Variants in MTR observed in about 807,000 individuals in gnomAD.
MTR encodes the protein 5-methyltetrahydrofolate-homocysteine methyltransferase, also known as methionine synthase.
In MTR, 84 loss-of-function variants were observed where a neutral mutation model predicts 154.8. The ratio of observed to expected loss-of-function variants is 0.54; its 90% CI spans 0.45 to 0.65. The LOEUF (loss-of-function observed/expected upper bound fraction) is 0.65, where lower values mean the gene tolerates loss of function less well. Ranked by LOEUF, MTR falls within the 30% of genes least tolerant of loss-of-function variation. MTR has a pLI of 0.00. For missense variants in MTR, 1,275 were observed against 1,570.2 expected (o/e 0.81, Z 3.18); for synonymous variants, 554 against 553.9 (o/e 1.00, Z 0.00).
At chr1:236,860,971 G>A (rs1450411010) in intron 19 of MTR, among the ~76,000 whole-genome samples, 154 bp from the exon 20 acceptor site, 1 of 152,090 alleles carries the variant, frequency 6.6e-6, no homozygotes, top group Non-Finnish European at 1.5e-5. Context: ...GCCTAAATTA[G>A]TGATAGGAAG....
chr1:236,861,110 TTTTG>T lies in MTR; in HGVS notation c.2044-13_2044-10del. On this transcript the variant is annotated splice_polypyrimidine_tract_variant and intron_variant, in intron 19 of 32. Transcript: ENST00000366577. The stretch of plus-strand genomic sequence containing the variant: ...TTCTTTCTTTTTCTTTTTTTTTTTT[TTTTG>T]TCTTTTTTAGGGCATTGAAAAACAT... 1 of 1,531,872 alleles carries T rather than the reference TTTTG, an allele frequency of 6.5e-7. No individual in the cohort carries two copies. Among genetic ancestry groups the T allele is most frequent in the Non-Finnish European group, 8.7e-7 (1 of 1,146,198 alleles). The allele number at this position is 1,531,872 out of a possible 1,614,324, so 94.9% of individuals were successfully genotyped here. A position where few individuals can be genotyped will look rare whatever the true frequency, so the allele number is the denominator to read the frequency against.
chr1:236,849,913 A>G lies in MTR; in HGVS notation c.1516-431A>G, dbSNP rs544016720. On this transcript the variant is annotated intron_variant, in intron 15 of 32. Transcript: ENST00000366577. ...TGTTTCCTGGGTGATAGGTTGTGACACTGCTGTCAGGTCAAGAGAGGAAGG... is the reference window on the plus strand; with the variant it reads ...TGTTTCCTGGGTGATAGGTTGTGACGCTGCTGTCAGGTCAAGAGAGGAAGG... Among the ~76,000 whole-genome samples, 300 of 152,326 alleles carry G rather than the reference A, an allele frequency of 2.0e-3. 2 individuals carry two copies. In the Middle Eastern group the frequency reaches 0.024, roughly 12 times the overall value.
intron 17 of MTR, 35 bp from the exon 18 acceptor site, chr1:236,852,913 C>G (rs765838539): frequency 6.8e-6 from 11 of 1,613,122 alleles, no homozygotes; most frequent in East Asian, 4.5e-5. Flanking sequence ...TAAGGTATCA[C>G]TGTAAATTCT....
chr1:236,850,525 T>A lies in MTR; in HGVS notation c.1695+2T>A. 1 of 1,613,330 alleles carries A rather than the reference T, an allele frequency of 6.2e-7. No homozygotes were observed. The highest frequency in any genetic ancestry group is 8.5e-7 in the Non-Finnish European group (1 of 1,179,456). On this transcript the variant is annotated splice_donor_variant, in intron 16 of 32. Transcript: ENST00000366577. LOFTEE classifies it high-confidence loss of function. The stretch of plus-strand genomic sequence containing the variant: ...ATCCATGCAACAAAAGTCATTAAAG[T>A]AAGTGTAGGCATGTTCTCTCCCAAG...
intron 25 of MTR, among the ~76,000 whole-genome samples, chr1:236,881,503 T>C (rs971619349): frequency 1.3e-5 from 2 of 151,930 alleles, no homozygotes; most frequent in African/African-American, 2.4e-5. Context: ...CCTGGAAATT[T>C]AGTGTGGCAG....
At chr1:236,871,709 C>T (rs1665143998) in intron 22 of MTR, among the ~76,000 whole-genome samples, 1 of 152,106 alleles carries the variant, frequency 6.6e-6, no homozygotes, top group Non-Finnish European at 1.5e-5. Context: ...CTATAACCTG[C>T]AGTGGTTATA....
intron 2 of MTR, among the ~76,000 whole-genome samples, chr1:236,804,417 A>T (rs1660860692): frequency 6.6e-6 from 1 of 152,240 alleles, no homozygotes; most frequent in Non-Finnish European, 1.5e-5. Context: ...ATTATCATTC[A>T]TGTATTTTGT....
intron 1 of MTR, among the ~76,000 whole-genome samples, chr1:236,798,080 A>G (rs563944091): frequency 7.2e-5 from 11 of 152,338 alleles, no homozygotes; most frequent in African/African-American, 2.6e-4. Context: ...CTTGTAGGGC[A>G]GTAGTAAGAT....
At chr1:236,859,513 A>G (rs1664398168) in intron 18 of MTR, among the ~76,000 whole-genome samples, 1 of 152,150 alleles carries the variant, frequency 6.6e-6, no homozygotes, top group Non-Finnish European at 1.5e-5. Flanking sequence ...TTGAAGGCTC[A>G]TTGGGTTTGG....
intron 2 of MTR, among the ~76,000 whole-genome samples, chr1:236,804,584 TATC>T (rs1558271858): frequency 6.6e-6 from 1 of 152,254 alleles, no homozygotes; most frequent in East Asian, 1.9e-4. Flanking sequence ...TCCATGTATA[TATC>T]ATCATTTATT....
intron 2 of MTR, among the ~76,000 whole-genome samples, chr1:236,803,867 C>G (rs1263184100): frequency 6.6e-6 from 1 of 152,148 alleles, no homozygotes. Context: ...CATGTAAACT[C>G]TAGTGAAAAA....
At chr1:236,837,140 TG>T (rs1467191225) in intron 14 of MTR, among the ~76,000 whole-genome samples, 1 of 152,210 alleles carries the variant, frequency 6.6e-6, no homozygotes, top group East Asian at 1.9e-4. Context: ...CCAGTAGGGT[TG>T]GGACACCAAA....
intron 9 of MTR, 102 bp downstream of exon 9, chr1:236,824,321 G>T: frequency 1.0e-6 from 1 of 998,716 alleles, no homozygotes; most frequent in South Asian, 1.3e-5. Flanking sequence ...TTTTGCCGGT[G>T]TTGGTATAGT....
chr1:236,897,135 A>C lies in MTR; in HGVS notation c.3711+17A>C. On this transcript the variant is annotated intron_variant, in intron 32 of 32. Coordinates refer to ENST00000366577, the MANE Select transcript of MTR (RefSeq NM_000254.3). Reference sequence around the variant, plus strand: ...AAGGATCAGGTAAGCTAGCTGTTGCATTATATGTGGCTTGCCTAGTTCAAA... The same window carrying C: ...AAGGATCAGGTAAGCTAGCTGTTGCCTTATATGTGGCTTGCCTAGTTCAAA... 1 of 1,540,468 alleles carries C rather than the reference A, an allele frequency of 6.5e-7. No homozygotes were observed. Among genetic ancestry groups the C allele is most frequent in the Non-Finnish European group, 9.0e-7 (1 of 1,113,086 alleles).
chr1:236,895,605 T>C (rs1666581531), intron 31 of MTR, 55 bp downstream of exon 31: 4 of 1,525,706 alleles, frequency 2.6e-6, no homozygotes, highest in Middle Eastern at 1.7e-4. Context: ...GATACTCTTA[T>C]CAGCATACTG....
chr1:236,845,240 G>C (rs1029604523), intron 15 of MTR, among the ~76,000 whole-genome samples: 1 of 152,168 alleles, frequency 6.6e-6, no homozygotes, highest in Admixed American at 6.5e-5. Flanking sequence ...CTTGTCTAAG[G>C]ATAGGTTTTC....
chr1:236,874,381 C>T (rs1440803697), intron 23 of MTR, among the ~76,000 whole-genome samples: 1 of 151,958 alleles, frequency 6.6e-6, no homozygotes, highest in Non-Finnish European at 1.5e-5. Flanking sequence ...TTGAGACCAG[C>T]CTGGCCAACG....
At chr1:236,897,517 T>A (rs374835058) in intron 32 of MTR, 41 bp from the exon 33 acceptor site, 1 of 1,572,180 alleles carries the variant, frequency 6.4e-7, no homozygotes, top group Admixed American at 1.7e-5. Context: ...TCCAAAAGTC[T>A]TATCATGTTG....
rs535713322 is a variant in MTR, at chr1:236,903,758, T to A, written c.*6114T>A. Reference sequence around the variant, plus strand: ...GAAGGAACTCTGAACTCTCACAATCTTGTTTCTTCATTTCCCAGAGAGAAA... The same window carrying A: ...GAAGGAACTCTGAACTCTCACAATCATGTTTCTTCATTTCCCAGAGAGAAA... On this transcript the variant is annotated 3_prime_UTR_variant, in exon 33 of 33. Coordinates refer to ENST00000366577, the MANE Select transcript of MTR (RefSeq NM_000254.3). 4 of 152,304 alleles carry A rather than the reference T, an allele frequency of 2.6e-5. No individual in the cohort carries two copies. The highest frequency in any genetic ancestry group is 9.6e-5 in the African/African-American group (4 of 41,560). 9.4% of individuals were successfully genotyped at this position (152,304 alleles called of 1,614,324 possible).
Sources: gnomAD v4.1 joint callset for allele counts (sites outside exome capture counted in the v4.1 genomes callset) on GRCh38, gnomAD v4.1.1 for gene constraint, MANE v1.5 for transcripts, NCBI Gene and HGNC (gene_info 2026-07-23, HGNC 2026-07-21) for gene names.